The following GRIPAP1 variants were observed in gnomAD, a reference collection of about 807,000 sequenced individuals.
GRIPAP1 encodes the protein GRIP1 associated protein 1.
Under a neutral mutation model 84.1 loss-of-function variants are expected in GRIPAP1, and 14 were observed. The observed-to-expected ratio is 0.17, with a 90% confidence interval of 0.11 to 0.26. The LOEUF (loss-of-function observed/expected upper bound fraction) is 0.26, where lower values mean the gene tolerates loss of function less well. Among genes scored for constraint, GRIPAP1 ranks in the 10% least tolerant of loss-of-function variants. The probability of loss-of-function intolerance (pLI) is 1.00; values close to 1 mark genes in which losing one functional copy is unlikely to be tolerated. For synonymous variants in GRIPAP1, 261 were observed against 256.8 expected, an observed-to-expected ratio of 1.02 and a Z score of -0.15; for missense variants, 518 against 674.2, an observed-to-expected ratio of 0.77 and a Z score of 2.57.
chrX:48,984,776 A>C (rs1344845363), intron 14 of GRIPAP1, among the ~76,000 whole-genome samples: 1 of 103,187 alleles, frequency 9.7e-6, no homozygotes, highest in East Asian at 3.1e-4. Context: ...TAATACCAGC[A>C]CTTCGGGAGG....
chrX:48,988,535 A>T, intron 11 of GRIPAP1: 2 of 239,303 alleles, frequency 8.4e-6, no homozygotes, highest in Non-Finnish European at 1.5e-5. Flanking sequence ...TCTCAGACAC[A>T]GTCAGCCCCA....
At chrX:48,975,763 C>A in intron 24 of GRIPAP1, 1 of 390,086 alleles carries the variant, frequency 2.6e-6, no homozygotes, top group Non-Finnish European at 4.4e-6. Flanking sequence ...AGATGAGGCA[C>A]AGGGAGAGGA....
At chrX:48,985,743 A>G (rs1250079529) in intron 13 of GRIPAP1, among the ~76,000 whole-genome samples, 2 of 110,925 alleles carry the variant, frequency 1.8e-5, no homozygotes, top group African/African-American at 6.6e-5. Flanking sequence ...GATCAGAATA[A>G]TGGTTACTTC....
intron 17 of GRIPAP1, among the ~76,000 whole-genome samples, chrX:48,982,501 G>A (rs782276518): frequency 1.8e-5 from 2 of 112,393 alleles, no homozygotes; most frequent in South Asian, 7.4e-4. Flanking sequence ...TCAGCCTCCT[G>A]AGTAGCTGGA....
intron 21 of GRIPAP1, among the ~76,000 whole-genome samples, chrX:48,978,688 G>A (rs1569519247): frequency 9.1e-6 from 1 of 110,156 alleles, no homozygotes; most frequent in African/African-American, 3.3e-5. Context: ...GATGTCAGGA[G>A]TTCGAGAACA....
chrX:48,983,908 G>A lies in GRIPAP1; in HGVS notation c.1177-38C>T, dbSNP rs377269408. ...CCAAAGGGAAAGAGTTTGATAAAGA[G>A]CATCCAGTAGGTGCTAGTCACCCAG... On this transcript the variant is annotated intron_variant, in intron 14 of 25. Transcript: ENST00000376423. The A allele has an allele frequency of 3.2e-5, 27 of 838,119 alleles. No homozygotes were observed. The African/African-American group carries it at 5.0e-4, about 15-fold the overall frequency. The allele number at this position is 838,119 out of a possible 1,213,427, so 69.1% of individuals were successfully genotyped here.
intron 5 of GRIPAP1, among the ~76,000 whole-genome samples, chrX:48,994,484 A>G (rs1325083537): frequency 2.7e-5 from 3 of 110,719 alleles, no homozygotes; most frequent in Non-Finnish European, 5.7e-5. Context: ...TCGGCCTCCC[A>G]AAGTGCTGGG....
intron 5 of GRIPAP1, among the ~76,000 whole-genome samples, chrX:48,996,698 C>T (rs1557066807): frequency 9.0e-6 from 1 of 111,598 alleles, no homozygotes; most frequent in Non-Finnish European, 1.9e-5. Flanking sequence ...AAAACATAGA[C>T]AATTATCAAC....
At chrX:48,983,484 G>A (rs1248273699) in intron 15 of GRIPAP1, 44 bp from the exon 16 acceptor site, 5 of 1,069,904 alleles carry the variant, frequency 4.7e-6, no homozygotes, top group East Asian at 3.0e-5. Flanking sequence ...CCACAACATC[G>A]AAAAAAGGCC....
At chrX:48,999,200 G>A (rs188475845) in intron 3 of GRIPAP1, 38 bp downstream of exon 3, 3 of 1,074,103 alleles carry the variant, frequency 2.8e-6, no homozygotes, top group Middle Eastern at 4.9e-4. Context: ...AGAAGCAAGG[G>A]TGGATGGGTA....
chrX:48,990,001 G>A lies in GRIPAP1; in HGVS notation c.693C>T (p.Leu231=). 8.4e-7 allele frequency: 1 copy of A among 1,184,362 alleles called. No individual in the cohort carries two copies. Among genetic ancestry groups the A allele is most frequent in the African/African-American group, 1.7e-5 (1 of 57,276 alleles). Reference sequence around the variant, plus strand: ...CTTGTTTCTTTTTCAGTTTCTCGGAGAGCTGGGGAGAGAGGTACAGACAAG... The same window carrying A: ...CTTGTTTCTTTTTCAGTTTCTCGGAAAGCTGGGGAGAGAGGTACAGACAAG... ...TSRLQEELAK[L]SEKLKKKQES... Residue 231 remains leucine (L), a splice_region_variant and synonymous_variant, in exon 9 of 26, where the codon CTC becomes CTT. Transcript: ENST00000376423.
In GRIPAP1 at chrX:48,989,598, C is replaced by T. The variant is rs781878590; in HGVS notation, c.870+13G>A. 7 of 1,124,916 alleles carry T rather than the reference C, an allele frequency of 6.2e-6. No homozygotes were observed. Among genetic ancestry groups the T allele is most frequent in the Non-Finnish European group, 8.6e-6 (7 of 817,576 alleles). 92.7% of individuals were successfully genotyped at this position (1,124,916 alleles called of 1,213,427 possible). On this transcript the variant is annotated intron_variant, in intron 11 of 25. Transcript: ENST00000376423. ...CCCCTACCCCAGGGATCTCAGAACC[C>T]AGTCCCCATCACCTGATTGGCAGCC... is the stretch of plus-strand genomic sequence containing the variant.
At chrX:48,993,127 T>C (rs1456478786) in intron 6 of GRIPAP1, among the ~76,000 whole-genome samples, 1 of 112,588 alleles carries the variant, frequency 8.9e-6, no homozygotes, top group Non-Finnish European at 1.9e-5. Context: ...GCCGCAAATA[T>C]CTCCTTTTTG....
intron 24 of GRIPAP1, 75 bp downstream of exon 24, chrX:48,975,943 G>T: frequency 1.2e-6 from 1 of 853,471 alleles, no homozygotes; most frequent in Non-Finnish European, 1.7e-6. Flanking sequence ...GAGGAGAGAA[G>T]CCGCAGCACA....
chrX:49,000,662 T>C (rs1394349479), intron 1 of GRIPAP1: 1 of 108,764 alleles, frequency 9.2e-6, no homozygotes, highest in African/African-American at 3.4e-5. Context: ...CTGCACACTA[T>C]AGCCTGGGTG....
At chrX:48,992,297 T>C (rs2064524942) in intron 6 of GRIPAP1, among the ~76,000 whole-genome samples, 1 of 112,720 alleles carries the variant, frequency 8.9e-6, no homozygotes, top group African/African-American at 3.2e-5. Context: ...TGAAACACCG[T>C]GCCTGGCCTA....
At chrX:48,989,391 C>T (rs1029599949) in intron 11 of GRIPAP1, among the ~76,000 whole-genome samples, 1 of 111,042 alleles carries the variant, frequency 9.0e-6, no homozygotes, top group Non-Finnish European at 1.9e-5. Context: ...CACACAGCCC[C>T]CTAAGTCCTT....
Position 48,985,309 on chromosome X carries a change from C to T in GRIPAP1, c.1135G>A (p.Asp379Asn), listed in dbSNP as rs781958479. 3.3e-6 allele frequency: 4 copies of T among 1,205,117 alleles called. No homozygotes were observed. In the African/African-American group the frequency reaches 7.0e-5, roughly 21 times the overall value. The change falls in exon 14 of 26, where the codon GAC becomes AAC. Residue 379 changes from aspartate to asparagine, a missense_variant. This residue lies in a region of GRIPAP1 where 372 missense variants were observed against 458.1 expected (regional missense o/e 0.81). Coordinates refer to ENST00000376423, the MANE Select transcript of GRIPAP1 (RefSeq NM_020137.5). ...AGGTCATCTTTCTGTCCCATAAGGTCCTCGTACTCAGCCTGCTGCTGCTGC... is the reference window on the plus strand; with the variant it reads ...AGGTCATCTTTCTGTCCCATAAGGTTCTCGTACTCAGCCTGCTGCTGCTGC... ...ELQQQQAEYE[D>N]LMGQKDDLNS...
At position 48,982,942 on chromosome X, in the gene GRIPAP1, A is replaced by G. The variant is rs782261223; in HGVS notation, c.1599+37T>C. 12 of 935,539 alleles carry G rather than the reference A, an allele frequency of 1.3e-5. No homozygotes were observed. The African/African-American group carries it at 1.3e-4, about 11-fold the overall frequency. 77.1% of individuals were successfully genotyped at this position (935,539 alleles called of 1,213,427 possible). On this transcript the variant is annotated intron_variant, in intron 17 of 25. Coordinates refer to ENST00000376423, the MANE Select transcript of GRIPAP1 (RefSeq NM_020137.5). ...TCTGTGGTTTGACATGAGGGCCCCA[A>G]TCAGCCTCTGTTCCTCACCAGGCAT...
Sources: allele counts gnomAD v4.1 joint callset (sites outside exome capture counted in the v4.1 genomes callset), GRCh38; gene constraint gnomAD v4.1.1; regional missense constraint gnomAD v4.1.1; transcripts MANE v1.5; gene names NCBI Gene and HGNC (gene_info 2026-07-23, HGNC 2026-07-21).